The following SLC4A4 variants were observed in gnomAD, a reference collection of about 807,000 sequenced individuals.
SLC4A4 encodes electrogenic sodium bicarbonate cotransporter 1.
SLC4A4 carries 27 observed loss-of-function variants against 111.5 expected under a neutral mutation model. That is an observed-to-expected ratio of 0.24 (90% confidence interval 0.18 to 0.33). The LOEUF is 0.33. Ranked by LOEUF, SLC4A4 falls within the 10% of genes least tolerant of loss-of-function variation. The pLI is 1.00. For synonymous variants in SLC4A4, 443 were observed against 463.4 expected (o/e 0.96, Z 0.57); for missense variants, 909 against 1,315.5 (o/e 0.69, Z 4.78).
At chr4:71,436,310 A>G (rs1264160300) in intron 7 of SLC4A4, among the ~76,000 whole-genome samples, 1 of 152,210 alleles carries the variant, frequency 6.6e-6, no homozygotes, top group Non-Finnish European at 1.5e-5. Context: ...ACAGAAGAAC[A>G]GAAAACCAAG....
intron 6 of SLC4A4, among the ~76,000 whole-genome samples, chr4:71,395,667 G>T (rs1469957454): frequency 3.3e-5 from 5 of 152,214 alleles, no homozygotes; most frequent in African/African-American, 1.2e-4. Context: ...AGTTAGGACA[G>T]TGCTTGGGCT....
At chr4:71,513,938 T>C (rs1424144657) in intron 16 of SLC4A4, among the ~76,000 whole-genome samples, 2 of 152,342 alleles carry the variant, frequency 1.3e-5, no homozygotes, top group Admixed American at 1.3e-4. Context: ...CATTTATTGA[T>C]TTGCATTTAT....
chr4:71,416,564 C>A (rs1721843522), intron 7 of SLC4A4, among the ~76,000 whole-genome samples: 1 of 152,086 alleles, frequency 6.6e-6, no homozygotes, highest in Admixed American at 6.6e-5. Flanking sequence ...ATCTCAATTT[C>A]TTATTGGGCA....
At chr4:71,112,111 G>C (rs1186288641) in intron 2 of SLC4A4, among the ~76,000 whole-genome samples, 1 of 152,144 alleles carries the variant, frequency 6.6e-6, no homozygotes, top group African/African-American at 2.4e-5. Context: ...AATTGCATAG[G>C]CAAGTTTTGG....
intron 20 of SLC4A4, among the ~76,000 whole-genome samples, chr4:71,551,437 C>G (rs1335621470): frequency 6.6e-6 from 1 of 151,724 alleles, no homozygotes; most frequent in Non-Finnish European, 1.5e-5. Flanking sequence ...ATAGTAGTAG[C>G]TACCATTTAT....
intron 18 of SLC4A4, among the ~76,000 whole-genome samples, chr4:71,536,898 T>A (rs1230556248): frequency 1.3e-5 from 2 of 151,852 alleles, no homozygotes; most frequent in Non-Finnish European, 2.9e-5. Context: ...TCTATCTTTG[T>A]GTATGTGTAT....
chr4:71,138,707 A>T (rs999395276), intron 2 of SLC4A4, among the ~76,000 whole-genome samples: 1 of 152,172 alleles, frequency 6.6e-6, no homozygotes, highest in Non-Finnish European at 1.5e-5. Flanking sequence ...GCAGGAGGGA[A>T]GAAGGCTGGT....
chr4:71,251,854 C>T (rs1721091778), intron 2 of SLC4A4, among the ~76,000 whole-genome samples: 1 of 151,706 alleles, frequency 6.6e-6, no homozygotes, highest in Non-Finnish European at 1.5e-5. Flanking sequence ...TTTTTTTAGC[C>T]TAAAAAGTTC....
intron 3 of SLC4A4, among the ~76,000 whole-genome samples, chr4:71,298,368 C>G (rs905497125): frequency 2.0e-5 from 3 of 152,070 alleles, no homozygotes; most frequent in African/African-American, 7.2e-5. Context: ...AGAGGAGGCA[C>G]AGAACAGAGA....
At chr4:71,146,005 GCT>G (rs1662390177) in intron 2 of SLC4A4, among the ~76,000 whole-genome samples, 2 of 152,034 alleles carry the variant, frequency 1.3e-5, no homozygotes, top group Non-Finnish European at 2.9e-5. Flanking sequence ...GAATGTGTTT[GCT>G]CTTGCTTCTC....
chr4:71,376,432 T>A (rs1420513226), intron 6 of SLC4A4, among the ~76,000 whole-genome samples: 1 of 151,178 alleles, frequency 6.6e-6, no homozygotes, highest in East Asian at 2.0e-4. Context: ...CTTGATCTCC[T>A]GACCTCGTGA....
chr4:71,152,494 A>G (rs769719183), intron 2 of SLC4A4, among the ~76,000 whole-genome samples: 8 of 152,238 alleles, frequency 5.3e-5, no homozygotes, highest in Non-Finnish European at 1.2e-4. Context: ...ATATGTGCAC[A>G]TGTAGCTCAT....
chr4:71,402,411 A>G (rs1720451720), intron 7 of SLC4A4, among the ~76,000 whole-genome samples: 2 of 152,152 alleles, frequency 1.3e-5, no homozygotes, highest in African/African-American at 2.4e-5. Context: ...TCATGCTCAC[A>G]GTGAAGGAAA....
intron 2 of SLC4A4, among the ~76,000 whole-genome samples, chr4:71,168,720 G>A (rs1487152925): frequency 1.3e-5 from 2 of 150,462 alleles, no homozygotes; most frequent in African/African-American, 2.5e-5. Context: ...TTGCCTTTCT[G>A]TGCCTGGCTC....
chr4:71,492,899 C>A (rs752756827), intron 15 of SLC4A4, among the ~76,000 whole-genome samples: 7 of 151,990 alleles, frequency 4.6e-5, no homozygotes, highest in African/African-American at 1.7e-4. Flanking sequence ...GATCTTCATA[C>A]CACTCATTTA....
intron 2 of SLC4A4, among the ~76,000 whole-genome samples, chr4:71,249,898 T>C (rs1371590207): frequency 7.4e-6 from 1 of 135,882 alleles, no homozygotes; most frequent in Non-Finnish European, 1.7e-5. Context: ...AAAAAAAAAA[T>C]CACTTGTATA....
chr4:71,447,428 A>G (rs1312667319), intron 8 of SLC4A4, among the ~76,000 whole-genome samples: 2 of 152,334 alleles, frequency 1.3e-5, no homozygotes, highest in Admixed American at 6.5e-5. Context: ...TTTCTATGCT[A>G]TATTCTCATT....
At chr4:71,175,281 G>C (rs1303895205) in intron 2 of SLC4A4, among the ~76,000 whole-genome samples, 1 of 152,236 alleles carries the variant, frequency 6.6e-6, no homozygotes, top group African/African-American at 2.4e-5. Context: ...CAGAAGACGG[G>C]TGATTTCTGC....
In SLC4A4 at chr4:71,171,406, C is replaced by T. The variant is rs1012502228; in HGVS notation, c.-1-65170C>T. On this transcript the variant is annotated intron_variant, in intron 2 of 26. Coordinates refer to the SLC4A4 transcript ENST00000649996. ...ATAGGCCTAAGCCTAGTTACAGAAC[C>T]CTGGCTTCGTAACTTTGGTACTTGA... Among the ~76,000 whole-genome samples the T allele has an allele frequency of 2.0e-5, 3 of 152,082 alleles. No homozygotes were observed. In the East Asian group the frequency reaches 5.8e-4, roughly 29 times the overall value.
Sources: allele counts gnomAD v4.1 joint callset (sites outside exome capture counted in the v4.1 genomes callset), GRCh38; gene constraint gnomAD v4.1.1; transcripts MANE v1.5; gene names NCBI Gene and HGNC (gene_info 2026-07-23, HGNC 2026-07-21).